Variants in ZPBP observed in about 807,000 individuals in gnomAD.
The protein encoded by ZPBP is zona pellucida-binding protein 1.
In ZPBP, 26 loss-of-function variants were observed where a neutral mutation model predicts 44.8. The observed-to-expected ratio is 0.58, with a 90% CI of 0.43 to 0.81. ZPBP has a LOEUF of 0.81. ZPBP is among the 30% of genes least tolerant of loss of function. The pLI, the probability that ZPBP is intolerant of heterozygous loss-of-function variation, is 0.00. For synonymous variants in ZPBP, 174 were observed against 153.2 expected, an observed-to-expected ratio of 1.14 and a Z score of -1.00; for missense variants, 409 against 434.0, an observed-to-expected ratio of 0.94 and a Z score of 0.51.
chr7:49,840,803 G>T, the ZPBP span, among the ~76,000 whole-genome samples: 1 of 152,090 alleles, frequency 6.6e-6, no homozygotes, highest in Non-Finnish European at 1.5e-5. Flanking sequence ...CGTATTTCAG[G>T]TTCGCAGTGA....
At chr7:50,060,292 C>T (rs957107496) in intron 3 of ZPBP, among the ~76,000 whole-genome samples, 5 of 151,806 alleles carry the variant, frequency 3.3e-5, no homozygotes, top group Non-Finnish European at 7.4e-5. Context: ...GGACACCATC[C>T]CCCAAGGCTT....
chr7:49,911,866 C>T (rs1793459751), intron 1 of ZPBP, among the ~76,000 whole-genome samples: 1 of 151,182 alleles, frequency 6.6e-6, no homozygotes, highest in Non-Finnish European at 1.5e-5. Context: ...CACTGCACTC[C>T]AGCCTGGGTG....
chr7:49,844,264 C>A, the ZPBP span, among the ~76,000 whole-genome samples: 5 of 152,160 alleles, frequency 3.3e-5, no homozygotes, highest in Non-Finnish European at 7.4e-5. Context: ...CCCTGAAGGG[C>A]GTCGATTCTA....
At chr7:50,020,193 G>A (rs1378100143) in intron 5 of ZPBP, among the ~76,000 whole-genome samples, 1 of 152,056 alleles carries the variant, frequency 6.6e-6, no homozygotes, top group African/African-American at 2.4e-5. Flanking sequence ...TGGCAGACCT[G>A]AGTCTACCAA....
At chr7:49,870,787 C>G (rs185975269) in intron 2 of ZPBP, among the ~76,000 whole-genome samples, 13 of 152,276 alleles carry the variant, frequency 8.5e-5, no homozygotes, top group African/African-American at 3.1e-4. Context: ...GGAAAAGAGT[C>G]ATCCACAAAA....
At chr7:49,857,605 C>A (rs935165136) in intron 2 of ZPBP, among the ~76,000 whole-genome samples, 3 of 151,972 alleles carry the variant, frequency 2.0e-5, no homozygotes, top group African/African-American at 4.8e-5. Flanking sequence ...TGAGACATTA[C>A]CTCACAACTG....
chr7:49,994,964 C>A (rs1352778330), intron 6 of ZPBP, among the ~76,000 whole-genome samples: 1 of 152,096 alleles, frequency 6.6e-6, no homozygotes, highest in African/African-American at 2.4e-5. Flanking sequence ...AGGCATTGTA[C>A]CCCTTTTTTG....
At chr7:49,996,545 A>G (rs1233082273) in intron 6 of ZPBP, among the ~76,000 whole-genome samples, 1 of 152,168 alleles carries the variant, frequency 6.6e-6, no homozygotes, top group Non-Finnish European at 1.5e-5. Context: ...CCCATTAGGG[A>G]AGGCTGGGAG....
At chr7:50,044,362 A>C (rs1292296534) in intron 4 of ZPBP, among the ~76,000 whole-genome samples, 2 of 152,204 alleles carry the variant, frequency 1.3e-5, no homozygotes, top group African/African-American at 2.4e-5. Context: ...TCTCCAAAAA[A>C]TCAATGAATC....
intron 2 of ZPBP, among the ~76,000 whole-genome samples, chr7:50,082,444 C>A (rs1802415940): frequency 6.6e-6 from 1 of 151,474 alleles, no homozygotes; most frequent in Non-Finnish European, 1.5e-5. Context: ...AATTTAAATC[C>A]TGATAAGTAA....
chr7:50,074,118 C>CA, intron 3 of ZPBP, among the ~76,000 whole-genome samples: 1 of 151,946 alleles, frequency 6.6e-6, no homozygotes, highest in Non-Finnish European at 1.5e-5. Context: ...ATAGAAAAAA[C>CA]AGAAGTTAAA....
intron 5 of ZPBP, among the ~76,000 whole-genome samples, chr7:50,027,257 G>A (rs1317980034): frequency 6.6e-6 from 1 of 151,786 alleles, no homozygotes; most frequent in Non-Finnish European, 1.5e-5. Context: ...CCATCCTGGT[G>A]GTCATTTGGA....
rs192348153 is a variant in ZPBP, at chr7:49,856,881, C to T, written n.510-6367G>A. ...AAAATTAGCTGGGCGTGGTGGCGGG[C>T]GCCTGTAGTCCCAGCTACTCGGGAG... is the stretch of plus-strand genomic sequence containing the variant. On this transcript the variant is annotated intron_variant and non_coding_transcript_variant, in intron 2 of 2. Transcript: ENST00000465922. 7.6e-3 allele frequency among the ~76,000 whole-genome samples: 1,148 copies of T among 151,668 alleles called. 23 individuals are homozygous for T. The highest frequency in any genetic ancestry group is 0.026 in the African/African-American group (1,084 of 41,362).
At chr7:49,987,183 G>A (rs1004102736) in intron 6 of ZPBP, among the ~76,000 whole-genome samples, 2 of 152,096 alleles carry the variant, frequency 1.3e-5, no homozygotes, top group Non-Finnish European at 2.9e-5. Flanking sequence ...TACAAATATT[G>A]GTTGTTTGGC....
intron 1 of ZPBP, chr7:49,913,008 A>C (rs1363389158): frequency 2.0e-5 from 3 of 152,216 alleles, no homozygotes; most frequent in Non-Finnish European, 2.9e-5. Flanking sequence ...ACAACAAAAT[A>C]GGGGAGGAGT....
chr7:49,983,354 G>T lies in ZPBP; in HGVS notation c.949C>A (p.Pro317Thr). ...ATTCATTACATACCACAGCACTCAG[G>T]ACATTTTGGATGTTGCTGGACATTC... ...GMNVQQHPKC[P>T]ECCVICSPGS... The change falls in exon 7 of 8, where the codon CCT becomes ACT. Residue 317 changes from proline to threonine, a missense_variant. Around this residue, in one of 2 missense-constraint regions of ZPBP, gnomAD observed 42 missense variants for 71.0 expected, o/e 0.59. Transcript: ENST00000046087. 6.2e-7 allele frequency: 1 copy of T among 1,613,330 alleles called. No homozygotes were observed.
At chr7:50,060,170 GGA>G (rs1440473902) in intron 3 of ZPBP, among the ~76,000 whole-genome samples, 2 of 152,130 alleles carry the variant, frequency 1.3e-5, no homozygotes, top group Non-Finnish European at 2.9e-5. Context: ...GAGAACCCAT[GGA>G]CATTTGGGCT....
intron 1 of ZPBP, chr7:49,919,983 G>A (rs1477444732): frequency 6.6e-6 from 1 of 152,056 alleles, no homozygotes; most frequent in Non-Finnish European, 1.5e-5. Context: ...ATTCAAAATT[G>A]TGCCTTCTAT....
chr7:49,964,323 A>T (rs1209040626), intron 7 of ZPBP, among the ~76,000 whole-genome samples: 1 of 151,994 alleles, frequency 6.6e-6, no homozygotes, highest in African/African-American at 2.4e-5. Context: ...AATAGACAAC[A>T]TAAAGTTTAA....
Sources: gnomAD v4.1 joint callset for allele counts (sites outside exome capture counted in the v4.1 genomes callset) on GRCh38, gnomAD v4.1.1 for gene constraint, gnomAD v4.1.1 regional missense constraint, MANE v1.5 for transcripts, NCBI Gene and HGNC (gene_info 2026-07-23, HGNC 2026-07-21) for gene names.